The following TMC7 variants were observed in gnomAD, a reference collection of about 807,000 sequenced individuals.
The protein encoded by TMC7 is transmembrane channel like 7.
A neutral mutation model predicts 82.9 loss-of-function variants in TMC7; 54 were observed. The observed-to-expected ratio is 0.65, with a 90% CI of 0.52 to 0.82. The LOEUF is 0.82. TMC7 is among the 40% of genes least tolerant of loss of function. The probability of loss-of-function intolerance (pLI) is 0.00; values close to 1 mark genes in which losing one functional copy is unlikely to be tolerated. For synonymous variants in TMC7, 350 were observed against 337.9 expected (o/e 1.04, Z -0.39); for missense variants, 820 against 901.2 (o/e 0.91, Z 1.15).
intron 5 of TMC7, among the ~76,000 whole-genome samples, chr16:19,026,747 A>G (rs1960250607): frequency 6.6e-6 from 1 of 152,042 alleles, no homozygotes; most frequent in South Asian, 2.1e-4. Flanking sequence ...CTGTATAACA[A>G]TGGAACCACT....
chr16:19,009,293 C>A lies in TMC7; in HGVS notation c.189C>A (p.Ser63Arg), dbSNP rs148785871. ...RTTVHSRDKQ[S>R]GTLLKPTDSY... ...CTGTCCATTCCCGGGACAAGCAAAG[C>A]GGAACTTTGCTAAAGCCAACCGACT... Residue 63 changes from serine to arginine, a missense_variant, in exon 2 of 16, where the codon AGC becomes AGA. Ser to Arg is a moderately radical substitution (Grantham distance 110, BLOSUM62 -1). Transcript: ENST00000304381. 2 of 1,614,186 alleles carry A rather than the reference C, an allele frequency of 1.2e-6. No homozygotes were observed. The highest frequency in any genetic ancestry group is 1.7e-6 in the Non-Finnish European group (2 of 1,180,052).
intron 8 of TMC7, among the ~76,000 whole-genome samples, chr16:19,039,092 CTT>C (rs376747652): frequency 1.2e-4 from 15 of 130,412 alleles, no homozygotes; most frequent in Admixed American, 2.4e-4. Flanking sequence ...TTTCTTTTTT[CTT>C]TTTTTTTTTT....
At chr16:19,052,038 A>G (rs1055504324) in intron 13 of TMC7, among the ~76,000 whole-genome samples, 2 of 151,828 alleles carry the variant, frequency 1.3e-5, no homozygotes, top group Non-Finnish European at 2.9e-5. Flanking sequence ...CCATCTCCCC[A>G]GGTTCAAACA....
intron 5 of TMC7, among the ~76,000 whole-genome samples, chr16:19,029,949 C>G (rs1037468648): frequency 1.2e-4 from 19 of 152,118 alleles, no homozygotes; most frequent in Admixed American, 1.2e-3. Context: ...CTCAAGACCT[C>G]AGGAGATCTG....
intron 1 of TMC7, among the ~76,000 whole-genome samples, chr16:18,996,636 G>A (rs1238226011): frequency 6.6e-6 from 1 of 152,170 alleles, no homozygotes; most frequent in African/African-American, 2.4e-5. Flanking sequence ...GGGAGAAGAA[G>A]GGGGAATGGA....
chr16:19,031,948 A>T (rs1307880035), intron 6 of TMC7, among the ~76,000 whole-genome samples: 2 of 152,198 alleles, frequency 1.3e-5, no homozygotes, highest in Non-Finnish European at 2.9e-5. Context: ...GCTCAGTCAC[A>T]TGACTATAGC....
At chr16:19,015,663 C>T (rs565798070) in intron 2 of TMC7, among the ~76,000 whole-genome samples, 80 of 151,822 alleles carry the variant, frequency 5.3e-4, no homozygotes, top group Middle Eastern at 3.4e-3. Flanking sequence ...CTGCAAACTC[C>T]GCCTCCCGGG....
At chr16:19,035,406 G>GTACTCCT (rs1423097479) in intron 6 of TMC7, among the ~76,000 whole-genome samples, 1 of 152,120 alleles carries the variant, frequency 6.6e-6, no homozygotes, top group African/African-American at 2.4e-5. Context: ...ACCTGCACAT[G>GTACTCCT]TACTCCTGAA....
At chr16:19,016,104 C>CT (rs940144016) in intron 2 of TMC7, among the ~76,000 whole-genome samples, 72 of 150,892 alleles carry the variant, frequency 4.8e-4, no homozygotes, top group Non-Finnish European at 7.3e-4. Context: ...TCTTTTCTTT[C>CT]TTTTTTTTTG....
intron 9 of TMC7, among the ~76,000 whole-genome samples, chr16:19,043,833 A>G (rs988277283): frequency 6.6e-6 from 1 of 151,966 alleles, no homozygotes. Context: ...CTACCTCCCA[A>G]AGTGCTGGGA....
intron 9 of TMC7, 23 bp from the exon 10 acceptor site, chr16:19,044,861 C>G: frequency 1.3e-6 from 2 of 1,594,700 alleles, no homozygotes; most frequent in Non-Finnish European, 8.6e-7. Context: ...ATCTTCCCAT[C>G]CTCTCTCCTT....
intron 1 of TMC7, among the ~76,000 whole-genome samples, chr16:19,004,044 A>T (rs1431907762): frequency 6.8e-4 from 1 of 1,460 alleles, no homozygotes; most frequent in Non-Finnish European, 0.022. Context: ...AATAAATTTA[A>T]AAAAAAAAAA....
intron 9 of TMC7, among the ~76,000 whole-genome samples, chr16:19,042,067 A>C (rs896817562): frequency 3.9e-4 from 59 of 152,316 alleles, no homozygotes; most frequent in African/African-American, 1.4e-3. Flanking sequence ...AGGAAACCTC[A>C]TCAGGGGTGC....
In TMC7 at chr16:19,009,256, G is replaced by T. The variant is rs764567295; in HGVS notation, c.152G>T (p.Arg51Leu). 6.2e-7 allele frequency: 1 copy of T among 1,614,044 alleles called. No individual in the cohort carries two copies. Among genetic ancestry groups the T allele is most frequent in the Non-Finnish European group, 8.5e-7 (1 of 1,180,040 alleles). Residue 51 changes from arginine to leucine, a missense_variant, in exon 2 of 16, where the codon CGT (arginine) becomes CTT (leucine). This residue lies in a region of TMC7 where 650 missense variants were observed against 669.9 expected (regional missense o/e 0.97). Coordinates refer to ENST00000304381, the MANE Select transcript of TMC7 (RefSeq NM_024847.4). The stretch of plus-strand genomic sequence containing the variant: ...TTGCCAAGCTACCGGTCCATTGCAC[G>T]TAGGAGAACGACTGTCCATTCCCGG... ...QELPSYRSIA[R>L]RRTTVHSRDK...
intron 7 of TMC7, among the ~76,000 whole-genome samples, 191 bp downstream of exon 7, chr16:19,036,014 T>C (rs1960730808): frequency 6.6e-6 from 1 of 152,156 alleles, no homozygotes; most frequent in Admixed American, 6.6e-5. Context: ...ACCCTAGACC[T>C]GAACAGGAGC....
chr16:19,034,413 C>G (rs781356959), intron 6 of TMC7, among the ~76,000 whole-genome samples: 1 of 148,016 alleles, frequency 6.8e-6, no homozygotes, highest in African/African-American at 2.6e-5. Flanking sequence ...CCTGGCCAAC[C>G]TGGTGAAATC....
rs368759327 is a variant in TMC7, at chr16:18,998,686, G to A, written c.68-10486G>A. On this transcript the variant is annotated intron_variant, in intron 1 of 15. Transcript: ENST00000304381. ...GGAGAATGGCGTGAACCCAGGAGGC[G>A]GAGCTTGCAGTGAGCTGAAATCAAG... Among the ~76,000 whole-genome samples the A allele has an allele frequency of 2.5e-3, 386 of 151,882 alleles. 2 individuals are homozygous for A. The highest frequency in any genetic ancestry group is 6.9e-3 in the African/African-American group (284 of 41,420).
Position 19,059,395 on chromosome 16 carries a change from CCTGT to C in TMC7, c.2028-14_2028-11del, listed in dbSNP as rs1222596710. 3 of 1,609,220 alleles carry C rather than the reference CCTGT, an allele frequency of 1.9e-6. No individual in the cohort carries two copies. Among genetic ancestry groups the C allele is most frequent in the Non-Finnish European group, 2.5e-6 (3 of 1,176,586 alleles). ...TCAGATGATCCAGACTCCCTTGTGA[CCTGT>C]CTGTCTTGTGTTGCAGCCTCATCAT... is the stretch of plus-strand genomic sequence containing the variant. On this transcript the variant is annotated splice_polypyrimidine_tract_variant and intron_variant, in intron 14 of 15. Transcript: ENST00000304381.
chr16:19,040,030 C>T (rs1480881000), intron 8 of TMC7, among the ~76,000 whole-genome samples: 2 of 144,104 alleles, frequency 1.4e-5, no homozygotes, highest in African/African-American at 2.6e-5. Context: ...GCAGGAGAAT[C>T]GCATGAACCT....
Sources: gnomAD v4.1 joint callset for allele counts (sites outside exome capture counted in the v4.1 genomes callset) on GRCh38, gnomAD v4.1.1 for gene constraint, gnomAD v4.1.1 regional missense constraint, MANE v1.5 for transcripts, NCBI Gene and HGNC (gene_info 2026-07-23, HGNC 2026-07-21) for gene names.